The following ZNF724 variants were observed in gnomAD, a reference collection of about 807,000 sequenced individuals.
The protein encoded by ZNF724 is zinc finger protein 724, also known as zinc finger protein 724 pseudogene.
A neutral mutation model predicts 29.3 loss-of-function variants in ZNF724; 14 were observed. The ratio of observed to expected loss-of-function variants is 0.48; its 90% CI spans 0.32 to 0.75. The LOEUF (loss-of-function observed/expected upper bound fraction) is 0.75. Among genes scored for constraint, ZNF724 ranks in the 30% least tolerant of loss-of-function variants. The probability of loss-of-function intolerance (pLI) is 0.04; values close to 1 mark genes in which losing one functional copy is unlikely to be tolerated. For missense variants in ZNF724, 557 were observed against 571.2 expected (o/e 0.98, Z 0.25); for synonymous variants, 180 against 193.6 (o/e 0.93, Z 0.58).
intron 1 of ZNF724, among the ~76,000 whole-genome samples, chr19:23,248,007 G>A (rs1443113041): frequency 6.6e-6 from 1 of 151,984 alleles, no homozygotes; most frequent in Non-Finnish European, 1.5e-5. Flanking sequence ...GATAGTACAG[G>A]ACCAGGAAAA....
At chr19:23,235,602 CA>C (rs1972011124) in intron 1 of ZNF724, among the ~76,000 whole-genome samples, 1 of 152,034 alleles carries the variant, frequency 6.6e-6, no homozygotes, top group African/African-American at 2.4e-5. Flanking sequence ...TCAAAACTTC[CA>C]ATCAGTTCTG....
chr19:23,237,614 T>A (rs901438986), intron 1 of ZNF724, among the ~76,000 whole-genome samples: 1 of 150,292 alleles, frequency 6.7e-6, no homozygotes, highest in African/African-American at 2.4e-5. Context: ...GAAAATACCG[T>A]ATAATTTAGG....
Position 23,232,244 on chromosome 19 carries a change from C to T in ZNF724, c.53G>A (p.Trp18Ter). The T allele has an allele frequency of 7.8e-7, 1 of 1,287,948 alleles. No individual in the cohort carries two copies. Among genetic ancestry groups the T allele is most frequent in the Non-Finnish European group, 1.1e-6 (1 of 882,890 alleles). 79.8% of individuals were successfully genotyped at this position (1,287,948 alleles called of 1,614,324 possible). A position where few individuals can be genotyped will look rare whatever the true frequency, so the allele number is the denominator to read the frequency against. Residue 18 changes from tryptophan to a stop codon, truncating the protein, a stop_gained, in exon 2 of 4, where the codon TGG becomes TAG. Transcript: ENST00000418100. LOFTEE classifies it high-confidence loss of function. ...CTGCTGTGCAGTGTCCAGGCATTGC[C>T]ACTCCTCCACAGAGAATTCTATGGC... Reference protein sequence around the residue: ...DVAIEFSVEEWQCLDTAQQNL... With the variant: ...DVAIEFSVEE
chr19:23,233,265 G>A (rs990897562), intron 1 of ZNF724, among the ~76,000 whole-genome samples: 4 of 152,164 alleles, frequency 2.6e-5, no homozygotes, highest in African/African-American at 7.2e-5. Context: ...TCTATGTTCT[G>A]TAATTTTTAA....
Position 23,250,323 on chromosome 19 carries a change from G to A in ZNF724, c.-81C>T. ...CAGGTCAGAGGGCCACAGAGGCTGG[G>A]CCTCTAAGAGCAGGGGACACAAAGC... On this transcript the variant is annotated 5_prime_UTR_variant, in exon 1 of 4. Coordinates refer to ENST00000418100, the MANE Select transcript of ZNF724 (RefSeq NM_001355404.2). 1.8e-6 allele frequency: 1 copy of A among 552,340 alleles called. No individual in the cohort carries two copies. The allele number at this position is 552,340 out of a possible 1,614,324, so 34.2% of individuals were successfully genotyped here.
At chr19:23,241,807 C>T (rs1279205431) in intron 1 of ZNF724, among the ~76,000 whole-genome samples, 9 of 152,198 alleles carry the variant, frequency 5.9e-5, no homozygotes, top group Admixed American at 5.9e-4. Flanking sequence ...GGAAGCATTC[C>T]TTCTGAAAAC....
rs1971733329 is a variant in ZNF724 at position 23,222,485 on chromosome 19, T to C, written c.1760A>G (p.Glu587Gly). 5 of 1,306,128 alleles carry C rather than the reference T, an allele frequency of 3.8e-6. No homozygotes were observed. The highest frequency in any genetic ancestry group is 4.4e-6 in the Non-Finnish European group (4 of 900,702). 80.9% of individuals were successfully genotyped at this position (1,306,128 alleles called of 1,614,324 possible). A position where few individuals can be genotyped will look rare whatever the true frequency, so the allele number is the denominator to read the frequency against. Reference protein sequence around the residue: ...LTKHKVIHTGEKPYKCKECGK... With the variant: ...LTKHKVIHTGGKPYKCKECGK... ...ACATTCTTTACATTTGTAGGGTTTC[T>C]CTCCAGTATGAATTACCTTATGTTT... Residue 587 changes from glutamate to glycine, a missense_variant, in exon 4 of 4, where the codon GAG (glutamate) becomes GGG (glycine). Physicochemically the swap from Glu to Gly is moderately conservative, Grantham distance 98 (BLOSUM62 -2). Around this residue, in one of 3 missense-constraint regions of ZNF724, gnomAD observed 170 missense variants for 220.7 expected, o/e 0.77. Transcript: ENST00000418100.
chr19:23,234,267 C>T (rs1025675551), intron 1 of ZNF724, among the ~76,000 whole-genome samples: 1 of 152,110 alleles, frequency 6.6e-6, no homozygotes, highest in Non-Finnish European at 1.5e-5. Flanking sequence ...TAAATGTGTC[C>T]ACACAAAACA....
rs139833755 is a variant in ZNF724 at position 23,240,946 on chromosome 19, T to C, written c.4-8653A>G. On this transcript the variant is annotated intron_variant, in intron 1 of 3. Transcript: ENST00000418100. ...TACTTGAAAGGCTGAGGTAGGAAAATTGCTTAAACCCCGGAGGCAGAGGTT... is the reference window on the plus strand; with the variant it reads ...TACTTGAAAGGCTGAGGTAGGAAAACTGCTTAAACCCCGGAGGCAGAGGTT... Among the ~76,000 whole-genome samples, 1,478 of 151,762 alleles carry C rather than the reference T, an allele frequency of 9.7e-3. 19 individuals are homozygous for C. The highest frequency in any genetic ancestry group is 0.033 in the African/African-American group (1,375 of 41,370).
In ZNF724 at chr19:23,232,290, G is replaced by A. The variant is rs2145780060; in HGVS notation, c.7C>T (p.Pro3Ser). Reference sequence around the variant, plus strand: ...ATGGCCACATCCATAAATGTCAATGGTCCCTGAAAAGTACACACACACATA... The same window carrying A: ...ATGGCCACATCCATAAATGTCAATGATCCCTGAAAAGTACACACACACATA... The part of the protein sequence containing the change: MG[P>S]LTFMDVAIEF... The change falls in exon 2 of 4, where the codon CCA becomes TCA. Residue 3 changes from proline (P) to serine (S), a missense_variant. Pro to Ser is a moderately conservative substitution (Grantham distance 74, BLOSUM62 -1). Around this residue, in one of 3 missense-constraint regions of ZNF724, gnomAD observed 25 missense variants for 54.9 expected, o/e 0.46. Coordinates refer to ENST00000418100, the MANE Select transcript of ZNF724 (RefSeq NM_001355404.2). 1 of 1,234,866 alleles carries A rather than the reference G, an allele frequency of 8.1e-7. No individual in the cohort carries two copies. The highest frequency in any genetic ancestry group is 1.9e-4 in the Middle Eastern group (1 of 5,324). The allele number at this position is 1,234,866 out of a possible 1,614,324, so 76.5% of individuals were successfully genotyped here.
At chr19:23,227,570 A>AAAAAAAAAC (rs59672484) in intron 3 of ZNF724, among the ~76,000 whole-genome samples, 1 of 88,174 alleles carries the variant, frequency 1.1e-5, no homozygotes, top group Non-Finnish European at 2.6e-5. Context: ...AAAAAAAAAA[A>AAAAAAAAAC]CAAAAAAAAA....
intron 1 of ZNF724, among the ~76,000 whole-genome samples, chr19:23,238,654 C>T (rs1599645012): frequency 1.3e-5 from 2 of 152,174 alleles, no homozygotes; most frequent in African/African-American, 4.8e-5. Flanking sequence ...GTAGCTCATG[C>T]CTGTAATCTC....
chr19:23,240,955 C>T (rs895701314), intron 1 of ZNF724, among the ~76,000 whole-genome samples: 2 of 151,836 alleles, frequency 1.3e-5, no homozygotes, highest in African/African-American at 2.4e-5. Flanking sequence ...ATTGCTTAAA[C>T]CCCGGAGGCA....
chr19:23,244,377 TCA>T (rs1972199622), intron 1 of ZNF724, among the ~76,000 whole-genome samples: 1 of 152,124 alleles, frequency 6.6e-6, no homozygotes, highest in Admixed American at 6.6e-5. Flanking sequence ...TGTGGATGCA[TCA>T]GTGTCTAGTG....
At chr19:23,233,179 C>T (rs537357540) in intron 1 of ZNF724, among the ~76,000 whole-genome samples, 1 of 152,074 alleles carries the variant, frequency 6.6e-6, no homozygotes, top group African/African-American at 2.4e-5. Flanking sequence ...ATGCAAAGTT[C>T]AAGATACAGG....
At chr19:23,232,818 T>TC (rs1400358052) in intron 1 of ZNF724, among the ~76,000 whole-genome samples, 38 of 111,696 alleles carry the variant, frequency 3.4e-4, no homozygotes, top group Admixed American at 1.6e-3. Context: ...TAACCTGTTT[T>TC]TCCCCCCAGT....
At chr19:23,241,056 A>AAC (rs1568344851) in intron 1 of ZNF724, among the ~76,000 whole-genome samples, 90 of 150,552 alleles carry the variant, frequency 6.0e-4, no homozygotes, top group African/African-American at 8.9e-4. Flanking sequence ...ACAACAACAA[A>AAC]AAAAAAAGAC....
chr19:23,232,842 A>G (rs1422967550), intron 1 of ZNF724, among the ~76,000 whole-genome samples: 4 of 152,098 alleles, frequency 2.6e-5, no homozygotes, highest in Admixed American at 6.6e-5. Flanking sequence ...TATGGCCTAT[A>G]AGAGAGAGAT....
chr19:23,232,211 T>C lies in ZNF724; in HGVS notation c.86A>G (p.Tyr29Cys), dbSNP rs750795490. ...QCLDTAQQNL[Y>C]RNVMLENYRN... ...GTAGTTCTCTAACATCACGTTCCTA[T>C]ATAAATTCTGCTGTGCAGTGTCCAG... The change falls in exon 2 of 4, where the codon TAT becomes TGT. Residue 29 changes from tyrosine (Y) to cysteine (C), a missense_variant. Around this residue, in one of 3 missense-constraint regions of ZNF724, gnomAD observed 25 missense variants for 54.9 expected, o/e 0.46. Coordinates refer to ENST00000418100, the MANE Select transcript of ZNF724 (RefSeq NM_001355404.2). 20 of 1,353,714 alleles carry C rather than the reference T, an allele frequency of 1.5e-5. No homozygotes were observed. Among genetic ancestry groups the C allele is most frequent in the Non-Finnish European group, 2.1e-6 (2 of 942,870 alleles). 83.9% of individuals were successfully genotyped at this position (1,353,714 alleles called of 1,614,324 possible).
Sources: allele counts gnomAD v4.1 joint callset (sites outside exome capture counted in the v4.1 genomes callset), GRCh38; gene constraint gnomAD v4.1.1; regional missense constraint gnomAD v4.1.1; transcripts MANE v1.5; gene names NCBI Gene and HGNC (gene_info 2026-07-23, HGNC 2026-07-21).